Variants in TEX35 observed in about 807,000 individuals in gnomAD.
TEX35 encodes the protein testis expressed 35.
TEX35 carries 26 observed loss-of-function variants against 31.9 expected under a neutral mutation model. The ratio of observed to expected loss-of-function variants is 0.81; its 90% CI spans 0.60 to 1.13. The LOEUF (loss-of-function observed/expected upper bound fraction) is 1.13. Among genes scored for constraint, TEX35 ranks in the 50% most tolerant of loss-of-function variants. TEX35 has a pLI of 0.00. For missense variants in TEX35, 278 were observed against 273.5 expected, an observed-to-expected ratio of 1.02 and a Z score of -0.12; for synonymous variants, 87 against 90.7, an observed-to-expected ratio of 0.96 and a Z score of 0.23.
Position 178,513,171 on chromosome 1 carries a change from A to T in TEX35, c.-18A>T, listed in dbSNP as rs1572170704. ...GGGCTGTTGTGGGGAGTTGAAGAAC[A>T]CCCTGGCCTCCTCCATCATGTCGGC... On this transcript the variant is annotated 5_prime_UTR_variant, in exon 1 of 9. Coordinates refer to ENST00000319416, the MANE Select transcript of TEX35 (RefSeq NM_032126.5). The T allele has an allele frequency of 6.2e-7, 1 of 1,613,734 alleles. No individual in the cohort carries two copies. The highest frequency in any genetic ancestry group is 1.3e-5 in the African/African-American group (1 of 74,886).
chr1:178,519,985 GC>G (rs1369930635), intron 5 of TEX35, among the ~76,000 whole-genome samples: 3 of 152,240 alleles, frequency 2.0e-5, no homozygotes, highest in African/African-American at 4.8e-5. Flanking sequence ...CTGGGTGCAT[GC>G]CAAGGGTCAA....
intron 5 of TEX35, among the ~76,000 whole-genome samples, chr1:178,518,580 A>C (rs1036478496): frequency 1.3e-5 from 2 of 152,184 alleles, no homozygotes; most frequent in African/African-American, 4.8e-5. Context: ...AGCAAGATAC[A>C]AGTAATATAC....
intron 5 of TEX35, among the ~76,000 whole-genome samples, chr1:178,517,839 T>C (rs1357702766): frequency 6.6e-6 from 1 of 152,102 alleles, no homozygotes; most frequent in Non-Finnish European, 1.5e-5. Context: ...TAAGAAGAAA[T>C]GTTAAGTAAA....
intron 1 of TEX35, 150 bp downstream of exon 1, chr1:178,513,377 A>G: frequency 9.5e-7 from 1 of 1,056,776 alleles, no homozygotes; most frequent in East Asian, 2.6e-5. Flanking sequence ...CTCAGTCTGG[A>G]AGGGGTGTGG....
rs1196343096 is a variant in TEX35 at position 178,520,690 on chromosome 1, C to A, written c.359C>A (p.Pro120Gln). 3 of 1,613,998 alleles carry A rather than the reference C, an allele frequency of 1.9e-6. No individual in the cohort carries two copies. Among genetic ancestry groups the A allele is most frequent in the Non-Finnish European group, 2.5e-6 (3 of 1,179,980 alleles). ...TCCCCCAGTCCCCTTAGAAGAGCAC[C>A]AAAGGAGCAGCAGGAACTCAGGCTG... ...KNYKLPLRRA[P>Q]KEQQELRLMG... The change falls in exon 7 of 9, where the codon CCA becomes CAA. Residue 120 changes from proline to glutamine, a missense_variant. Physicochemically the swap from Pro to Gln is moderately conservative, Grantham distance 76. Transcript: ENST00000319416.
intron 3 of TEX35, 57 bp from the exon 4 acceptor site, chr1:178,515,802 T>G: frequency 3.6e-6 from 5 of 1,385,906 alleles, no homozygotes; most frequent in Non-Finnish European, 4.1e-6. Context: ...TGTTGATGGT[T>G]TCCCCTCCAT....
chr1:178,523,270 T>C (rs1425585232), downstream of TEX35: 19 of 700,690 alleles, frequency 2.7e-5, no homozygotes, highest in Admixed American at 3.6e-4. Context: ...AGTGCAGATA[T>C]CTCTTCAATA....
intron 1 of TEX35, 95 bp from the exon 2 acceptor site, chr1:178,513,932 G>C (rs1649969782): frequency 6.9e-7 from 1 of 1,442,204 alleles, no homozygotes; most frequent in Non-Finnish European, 9.5e-7. Flanking sequence ...CATGGTTGTG[G>C]GGGGCAGGGG....
Position 178,520,418 on chromosome 1 carries a change from C to A in TEX35, c.323C>A (p.Thr108Lys), listed in dbSNP as rs758448375. The A allele has an allele frequency of 6.2e-7, 1 of 1,614,038 alleles. No homozygotes were observed. The highest frequency in any genetic ancestry group is 2.2e-5 in the East Asian group (1 of 44,872). ...GAGAAGATGGACATTTTAATAAATACACAGAAGAACTATAAGCTGTAAGTG... is the reference window on the plus strand; with the variant it reads ...GAGAAGATGGACATTTTAATAAATAAACAGAAGAACTATAAGCTGTAAGTG... The part of the protein sequence containing the change: ...MDEKMDILIN[T>K]QKNYKLPLRR... Residue 108 changes from threonine to lysine, a missense_variant, in exon 6 of 9, where the codon ACA (threonine) becomes AAA (lysine). By Grantham distance (78) the Thr-to-Lys change is moderately conservative (BLOSUM62 -1). Transcript: ENST00000319416.
intron 3 of TEX35, 107 bp from the exon 4 acceptor site, chr1:178,515,752 G>A (rs1475142084): frequency 2.3e-6 from 2 of 855,516 alleles, no homozygotes; most frequent in Non-Finnish European, 3.8e-6. Flanking sequence ...CCTATTGAAA[G>A]CTTTTCTCTG....
At chr1:178,513,569 A>G (rs751363026) in intron 1 of TEX35, among the ~76,000 whole-genome samples, 1 of 152,272 alleles carries the variant, frequency 6.6e-6, no homozygotes, top group Non-Finnish European at 1.5e-5. Context: ...ACCTTATTAG[A>G]TAAATATAAT....
At position 178,522,463 on chromosome 1, in the gene TEX35, G is replaced by A. The variant is rs1312811856; in HGVS notation, c.*23G>A. The A allele has an allele frequency of 1.3e-6, 2 of 1,566,612 alleles. No homozygotes were observed. The highest frequency in any genetic ancestry group is 1.7e-6 in the Non-Finnish European group (2 of 1,153,592). ...TGAAGCTTAACTGCCAGCTTGAAAT[G>A]AGAGTAAAGAAGATACAGAGCAAAC... On this transcript the variant is annotated 3_prime_UTR_variant, in exon 9 of 9. Coordinates refer to ENST00000319416, the MANE Select transcript of TEX35 (RefSeq NM_032126.5).
At chr1:178,521,469 C>A in intron 8 of TEX35, 2 of 1,019,266 alleles carry the variant, frequency 2.0e-6, no homozygotes, top group Non-Finnish European at 3.0e-6. Context: ...AGCCTAGAGG[C>A]TGCTGCCTGG....
chr1:178,523,231 A>G (rs938443906), downstream of TEX35: 11 of 693,194 alleles, frequency 1.6e-5, no homozygotes, highest in Non-Finnish European at 2.6e-5. Context: ...AATCCTGGCT[A>G]TTGTGAACAG....
At position 178,521,152 on chromosome 1, in the gene TEX35, G is replaced by T. The variant is rs567443882; in HGVS notation, c.544-70G>T. 7 of 1,609,498 alleles carry T rather than the reference G, an allele frequency of 4.3e-6. No homozygotes were observed. In the South Asian group the frequency reaches 6.6e-5, roughly 15 times the overall value. Reference sequence around the variant, plus strand: ...CTTCCCTTTAGCAAGGGCAGATAAGGTGCCTAGCAGGCTGCCCTTCTTGGA... The same window carrying T: ...CTTCCCTTTAGCAAGGGCAGATAAGTTGCCTAGCAGGCTGCCCTTCTTGGA... On this transcript the variant is annotated intron_variant, in intron 7 of 8. Coordinates refer to ENST00000319416, the MANE Select transcript of TEX35 (RefSeq NM_032126.5).
At chr1:178,523,442 G>T, downstream of TEX35, 1 of 464,662 alleles carries the variant, frequency 2.2e-6, no homozygotes. Flanking sequence ...CCTTTTCTCC[G>T]GGTCAAGTTC....
intron 4 of TEX35, 34 bp downstream of exon 4, chr1:178,515,949 A>G: frequency 1.3e-6 from 2 of 1,526,326 alleles, no homozygotes; most frequent in South Asian, 1.1e-5. Context: ...TCATGGAGGG[A>G]AAGTGTAGCT....
intron 3 of TEX35, among the ~76,000 whole-genome samples, chr1:178,515,592 G>A (rs1650046805): frequency 6.6e-6 from 1 of 151,250 alleles, no homozygotes; most frequent in African/African-American, 2.4e-5. Flanking sequence ...TTGAGATGGG[G>A]GTGGGGGTCT....
chr1:178,522,459 A>C lies in TEX35; in HGVS notation c.*19A>C. 1 of 1,568,818 alleles carries C rather than the reference A, an allele frequency of 6.4e-7. No individual in the cohort carries two copies. Among genetic ancestry groups the C allele is most frequent in the Non-Finnish European group, 8.7e-7 (1 of 1,154,822 alleles). ...AAGGTGAAGCTTAACTGCCAGCTTG[A>C]AATGAGAGTAAAGAAGATACAGAGC... is the stretch of plus-strand genomic sequence containing the variant. On this transcript the variant is annotated 3_prime_UTR_variant, in exon 9 of 9. Coordinates refer to ENST00000319416, the MANE Select transcript of TEX35 (RefSeq NM_032126.5).
Sources: gnomAD v4.1 joint callset for allele counts (sites outside exome capture counted in the v4.1 genomes callset) on GRCh38, gnomAD v4.1.1 for gene constraint, MANE v1.5 for transcripts, NCBI Gene and HGNC (gene_info 2026-07-23, HGNC 2026-07-21) for gene names.